Variants in ABHD6 observed in about 807,000 individuals in gnomAD.
ABHD6 encodes the protein abhydrolase domain containing 6, acylglycerol lipase.
A neutral mutation model predicts 38.8 loss-of-function variants in ABHD6; 33 were observed. That is an observed-to-expected ratio of 0.85 (90% CI 0.64 to 1.14). The LOEUF is 1.14. Ranked by LOEUF, ABHD6 falls within the 50% of genes most tolerant of loss-of-function variation. The pLI is 0.00. For synonymous variants in ABHD6, 147 were observed against 161.6 expected, an observed-to-expected ratio of 0.91 and a Z score of 0.69; for missense variants, 380 against 422.6, an observed-to-expected ratio of 0.90 and a Z score of 0.88.
chr3:58,249,365 C>G (rs1331636815), intron 1 of ABHD6, among the ~76,000 whole-genome samples: 1 of 152,040 alleles, frequency 6.6e-6, no homozygotes, highest in Non-Finnish European at 1.5e-5. Context: ...ATTTCCTTTG[C>G]TCATCTCATT....
chr3:58,245,996 CA>C (rs2097426117), intron 1 of ABHD6, among the ~76,000 whole-genome samples: 1 of 152,198 alleles, frequency 6.6e-6, no homozygotes, highest in Non-Finnish European at 1.5e-5. Context: ...TAATTCCTTT[CA>C]GCCATGTGGC....
At chr3:58,244,495 A>C (rs1392581680) in intron 1 of ABHD6, among the ~76,000 whole-genome samples, 3 of 152,204 alleles carry the variant, frequency 2.0e-5, no homozygotes, top group Non-Finnish European at 4.4e-5. Context: ...AGGGCTGAGC[A>C]TGGTGGCTCG....
At position 58,268,864 on chromosome 3, in the gene ABHD6, C is replaced by T. The variant is rs531166966; in HGVS notation, c.277-457C>T. 5.9e-4 allele frequency among the ~76,000 whole-genome samples: 90 copies of T among 152,216 alleles called. 1 individual carries two copies. Among genetic ancestry groups the T allele is most frequent in the Admixed American group, 5.5e-3 (84 of 15,276 alleles). On this transcript the variant is annotated intron_variant, in intron 4 of 9. Transcript: ENST00000478253. ...AAAAAGAAACCAAACAAACCAGAAT[C>T]GGGGTGATCAGATGTGGTTCTTGGG...
At chr3:58,288,185 C>G (rs140215645) in intron 9 of ABHD6, among the ~76,000 whole-genome samples, 267 of 152,290 alleles carry the variant, frequency 1.8e-3, no homozygotes, top group African/African-American at 6.3e-3. Flanking sequence ...CTTTTGCCTC[C>G]CAAGCTCGCT....
At chr3:58,289,072 T>C (rs1018974834) in intron 9 of ABHD6, among the ~76,000 whole-genome samples, 2 of 152,098 alleles carry the variant, frequency 1.3e-5, no homozygotes, top group African/African-American at 4.8e-5. Context: ...TTGTTTGTTC[T>C]GAGACTGGTT....
chr3:58,270,808 A>C (rs2097444297), intron 5 of ABHD6, 124 bp from the exon 6 acceptor site: 2 of 1,103,602 alleles, frequency 1.8e-6, no homozygotes. Flanking sequence ...GTAGAGTTTC[A>C]GACTCTTTAA....
intron 1 of ABHD6, among the ~76,000 whole-genome samples, chr3:58,245,972 A>G (rs535267209): frequency 5.9e-5 from 9 of 152,312 alleles, no homozygotes; most frequent in East Asian, 1.9e-4. Context: ...TAGCACACCA[A>G]TAGAGGGCTA....
At position 58,251,276 on chromosome 3, in the gene ABHD6, C is replaced by A. The variant is rs4681832; in HGVS notation, c.-26+1334C>A. 0.55 allele frequency among the ~76,000 whole-genome samples: 82,985 copies of A among 150,958 alleles called. 25,449 individuals carry two copies. Among genetic ancestry groups the A allele is most frequent in the African/African-American group, 0.84 (34,407 of 41,082 alleles). Reference sequence around the variant, plus strand: ...AGGTTGCAGTGAGCCAAGATTGTACCACTACACTCCAGCCTGGCTGACAGA... The same window carrying A: ...AGGTTGCAGTGAGCCAAGATTGTACAACTACACTCCAGCCTGGCTGACAGA... On this transcript the variant is annotated intron_variant, in intron 2 of 9. Transcript: ENST00000478253. The surrounding 1 kb of genome is among the most constrained non-coding windows in gnomAD (Gnocchi z 5.4).
chr3:58,248,820 A>G (rs1312964622), intron 1 of ABHD6, among the ~76,000 whole-genome samples: 1 of 152,240 alleles, frequency 6.6e-6, no homozygotes, highest in East Asian at 1.9e-4. Flanking sequence ...GGTACATTAT[A>G]TGAGAGCATC....
In ABHD6 at chr3:58,285,858, G is replaced by A. The variant is rs2107473753; in HGVS notation, c.837+405G>A. 6.6e-6 allele frequency among the ~76,000 whole-genome samples: 1 copy of A among 152,030 alleles called. No homozygotes were observed. The highest frequency in any genetic ancestry group is 1.9e-4 in the East Asian group (1 of 5,168). On this transcript the variant is annotated intron_variant, in intron 9 of 9. Coordinates refer to ENST00000478253, the MANE Select transcript of ABHD6 (RefSeq NM_001320126.2). The surrounding 1 kb of genome is among the most constrained non-coding windows in gnomAD (Gnocchi z 4.9). Reference sequence around the variant, plus strand: ...TATTTCTTTTCTTTTTTTCGTTTGAGACGGAGTCTTGCTCTGTCACCCAGG... The same window carrying A: ...TATTTCTTTTCTTTTTTTCGTTTGAAACGGAGTCTTGCTCTGTCACCCAGG...
rs555122366 is a variant in ABHD6 at position 58,287,228 on chromosome 3, G to A, written c.837+1775G>A. 9.9e-4 allele frequency among the ~76,000 whole-genome samples: 150 copies of A among 152,224 alleles called. No homozygotes were observed. Among genetic ancestry groups the A allele is most frequent in the African/African-American group, 3.4e-3 (143 of 41,536 alleles). On this transcript the variant is annotated intron_variant, in intron 9 of 9. Transcript: ENST00000478253. The surrounding 1 kb of genome is among the most constrained non-coding windows in gnomAD (Gnocchi z 4.7). ...GAGTCCAGGACATGGAGGTGGCAGT[G>A]AGCCGTGATTGCTTCACTGCACACC...
In ABHD6 at chr3:58,266,935, G is replaced by A. The variant is rs548351692; in HGVS notation, c.120-254G>A. Among the ~76,000 whole-genome samples the A allele has an allele frequency of 3.9e-5, 6 of 152,268 alleles. No homozygotes were observed. The highest frequency in any genetic ancestry group is 3.4e-3 in the Middle Eastern group (1 of 294). On this transcript the variant is annotated intron_variant, in intron 3 of 9. Transcript: ENST00000478253. The surrounding 1 kb of genome is among the most constrained non-coding windows in gnomAD (Gnocchi z 4.0). Reference sequence around the variant, plus strand: ...GTGGCATACTTCTTAAGAAAACACCGCATTTCCCTTCCTAGAGTGATTAGT... The same window carrying A: ...GTGGCATACTTCTTAAGAAAACACCACATTTCCCTTCCTAGAGTGATTAGT...
intron 7 of ABHD6, among the ~76,000 whole-genome samples, chr3:58,277,633 C>A (rs1559780916): frequency 6.6e-6 from 1 of 152,226 alleles, no homozygotes; most frequent in Non-Finnish European, 1.5e-5. Context: ...CTGGGCAGAA[C>A]TTCCAACACT....
At chr3:58,274,430 C>G (rs891466257) in intron 6 of ABHD6, among the ~76,000 whole-genome samples, 4 of 152,138 alleles carry the variant, frequency 2.6e-5, no homozygotes, top group Non-Finnish European at 5.9e-5. Context: ...GGTCCATGGA[C>G]TACAGTGTGA....
At chr3:58,248,620 C>T (rs1483634728) in intron 1 of ABHD6, among the ~76,000 whole-genome samples, 1 of 152,168 alleles carries the variant, frequency 6.6e-6, no homozygotes, top group Non-Finnish European at 1.5e-5. Context: ...ATCGCTTGAA[C>T]CCGGGAGGCG....
intron 7 of ABHD6, among the ~76,000 whole-genome samples, chr3:58,277,950 G>C (rs1232486825): frequency 6.6e-6 from 1 of 152,212 alleles, no homozygotes; most frequent in East Asian, 1.9e-4. Flanking sequence ...TTACATCTCA[G>C]GGATGAAGCC....
At chr3:58,239,299 A>G (rs1390228329) in intron 1 of ABHD6, among the ~76,000 whole-genome samples, 1 of 152,132 alleles carries the variant, frequency 6.6e-6, no homozygotes, top group Non-Finnish European at 1.5e-5. Flanking sequence ...AATAGTACCC[A>G]CTTTAAAGGG....
chr3:58,293,730 G>A lies in ABHD6; in HGVS notation c.979G>A (p.Val327Met), dbSNP rs1417377125. The A allele has an allele frequency of 4.3e-6, 7 of 1,614,086 alleles. No homozygotes were observed. Among genetic ancestry groups the A allele is most frequent in the Admixed American group, 1.7e-5 (1 of 60,004 alleles). The change falls in exon 10 of 10, where the codon GTG becomes ATG. Residue 327 changes from valine (V) to methionine (M), a missense_variant. Transcript: ENST00000478253. The surrounding 1 kb of genome is among the most constrained non-coding windows in gnomAD (Gnocchi z 4.4). ...GCTCATAATCGACTTTTTAGCTTCT[G>A]TGCACAACACAGACAACAACAAGAA... Reference protein sequence around the residue: ...AKLIIDFLASVHNTDNNKKLD With the variant: ...AKLIIDFLASMHNTDNNKKLD
At chr3:58,291,188 C>A (rs1348559560) in intron 9 of ABHD6, among the ~76,000 whole-genome samples, 7 of 88,442 alleles carry the variant, frequency 7.9e-5, no homozygotes, top group Admixed American at 2.2e-4. Context: ...ACCAGCCTGG[C>A]CAACACAGTG....
Sources: gnomAD v4.1 joint callset for allele counts (sites outside exome capture counted in the v4.1 genomes callset) on GRCh38, gnomAD v4.1.1 for gene constraint, Gnocchi (gnomAD v3.1) non-coding constraint, MANE v1.5 for transcripts, NCBI Gene and HGNC (gene_info 2026-07-23, HGNC 2026-07-21) for gene names.